Variants in TPX2 observed in about 807,000 individuals in gnomAD.
The protein encoded by TPX2 is targeting protein for Xklp2.
In TPX2, 21 loss-of-function variants were observed where a neutral mutation model predicts 93.6. That is an observed-to-expected ratio of 0.22 (90% CI 0.16 to 0.32). The LOEUF is 0.32. TPX2 is among the 10% of genes least tolerant of loss of function. The probability of loss-of-function intolerance (pLI) is 1.00; values close to 1 mark genes in which losing one functional copy is unlikely to be tolerated. For missense variants in TPX2, 776 were observed against 871.1 expected (o/e 0.89, Z 1.37); for synonymous variants, 281 against 298.3 (o/e 0.94, Z 0.60).
chr20:31,746,492 A>T (rs902319602), intron 2 of TPX2, among the ~76,000 whole-genome samples: 4 of 152,176 alleles, frequency 2.6e-5, no homozygotes, highest in African/African-American at 7.2e-5. Flanking sequence ...AACTAACTAT[A>T]CTTCTAATGA....
At chr20:31,777,344 A>T in intron 8 of TPX2, 143 bp from the exon 9 acceptor site, 4 of 866,604 alleles carry the variant, frequency 4.6e-6, no homozygotes, top group Non-Finnish European at 3.5e-6. Context: ...CCTGAGGACT[A>T]CTTCAAGTTT....
chr20:31,764,281 T>C (rs1457839821), intron 4 of TPX2, among the ~76,000 whole-genome samples: 1 of 152,000 alleles, frequency 6.6e-6, no homozygotes, highest in Non-Finnish European at 1.5e-5. Context: ...GTGATCCTCT[T>C]ACCTCAGCCT....
intron 12 of TPX2, among the ~76,000 whole-genome samples, chr20:31,790,330 T>C (rs2062092742): frequency 1.3e-5 from 2 of 152,216 alleles, no homozygotes; most frequent in Admixed American, 1.3e-4. Context: ...CCAATGATTG[T>C]GATACTGCAA....
At chr20:31,779,229 C>A (rs1371778725) in intron 10 of TPX2, among the ~76,000 whole-genome samples, 1 of 152,182 alleles carries the variant, frequency 6.6e-6, no homozygotes, top group East Asian at 1.9e-4. Context: ...TTAAGGTAAC[C>A]TGAGATGTCA....
intron 12 of TPX2, among the ~76,000 whole-genome samples, chr20:31,784,395 C>G (rs2062052704): frequency 6.6e-6 from 1 of 152,164 alleles, no homozygotes; most frequent in African/African-American, 2.4e-5. Flanking sequence ...ATTTTATCAC[C>G]TGTTTCAGAT....
intron 2 of TPX2, among the ~76,000 whole-genome samples, chr20:31,756,398 AT>A (rs1452182801): frequency 6.6e-6 from 1 of 152,094 alleles, no homozygotes; most frequent in Non-Finnish European, 1.5e-5. Flanking sequence ...GATGGATAAG[AT>A]TTTGGTTGGT....
chr20:31,793,696 A>G (rs1440355750), intron 13 of TPX2, 152 bp from the exon 14 acceptor site: 9 of 703,210 alleles, frequency 1.3e-5, no homozygotes, highest in Non-Finnish European at 2.0e-5. Context: ...TACCTAAGTC[A>G]TCATCCTTCT....
chr20:31,769,640 T>A (rs911565638), intron 5 of TPX2, among the ~76,000 whole-genome samples: 1 of 152,186 alleles, frequency 6.6e-6, no homozygotes, highest in Non-Finnish European at 1.5e-5. Flanking sequence ...ATGATCACTC[T>A]TAAAATCAAG....
At chr20:31,757,003 T>C (rs2061856226) in intron 2 of TPX2, among the ~76,000 whole-genome samples, 1 of 152,184 alleles carries the variant, frequency 6.6e-6, no homozygotes, top group Admixed American at 6.6e-5. Context: ...ATAATTTTTA[T>C]TTTTTTAGAG....
chr20:31,786,544 C>T (rs1392317780), intron 12 of TPX2, among the ~76,000 whole-genome samples: 1 of 152,064 alleles, frequency 6.6e-6, no homozygotes, highest in Non-Finnish European at 1.5e-5. Context: ...GCTGGGAATA[C>T]AGGCACACAC....
At chr20:31,747,436 CTCTGTCTGTCTG>C (rs368418576) in intron 2 of TPX2, among the ~76,000 whole-genome samples, 21 of 151,728 alleles carry the variant, frequency 1.4e-4, no homozygotes, top group African/African-American at 5.1e-4. Flanking sequence ...ATATCTCTAT[CTCTGTCTGTCTG>C]TCTGTCTGTC....
At chr20:31,794,052 G>T in intron 14 of TPX2, 28 bp downstream of exon 14, 1 of 1,582,662 alleles carries the variant, frequency 6.3e-7, no homozygotes, top group South Asian at 1.2e-5. Context: ...TGCAAGTAGT[G>T]TAATACTATT....
At chr20:31,782,889 T>TACACACACACACAC (rs71926112) in intron 11 of TPX2, among the ~76,000 whole-genome samples, 8 of 142,758 alleles carry the variant, frequency 5.6e-5, no homozygotes, top group East Asian at 2.1e-4. Flanking sequence ...CATACACACA[T>TACACACACACACAC]ACACACACAC....
chr20:31,800,844 A>C (rs1357495735), intron 17 of TPX2, 126 bp from the exon 18 acceptor site: 5 of 783,616 alleles, frequency 6.4e-6, no homozygotes, highest in Non-Finnish European at 1.1e-5. Flanking sequence ...CACTCCCCAC[A>C]CCTGAAACTA....
intron 7 of TPX2, among the ~76,000 whole-genome samples, chr20:31,773,267 TCA>T (rs2061975637): frequency 2.6e-5 from 4 of 151,224 alleles, no homozygotes. Flanking sequence ...TTCTTCTGCC[TCA>T]GTCTCCCATG....
chr20:31,753,963 T>A (rs993136742), intron 2 of TPX2, among the ~76,000 whole-genome samples: 14 of 151,848 alleles, frequency 9.2e-5, no homozygotes, highest in African/African-American at 3.1e-4. Flanking sequence ...GAGGTGGAGG[T>A]TGCAGTGAAC....
rs777021944 is a variant in TPX2, at chr20:31,757,590, C to T, written c.106+8C>T. 2 of 1,607,956 alleles carry T rather than the reference C, an allele frequency of 1.2e-6. No homozygotes were observed. The highest frequency in any genetic ancestry group is 1.7e-5 in the Admixed American group (1 of 59,866). ...ACATAGATTCATGGTTTGGTAAGTGCCTGCTTTCTCTGGCTATTTTAAGGA... is the reference window on the plus strand; with the variant it reads ...ACATAGATTCATGGTTTGGTAAGTGTCTGCTTTCTCTGGCTATTTTAAGGA... On this transcript the variant is annotated splice_region_variant and intron_variant, in intron 3 of 17. Transcript: ENST00000300403.
intron 4 of TPX2, among the ~76,000 whole-genome samples, chr20:31,765,760 ACCCCTGAG>A (rs1240709086): frequency 6.6e-6 from 1 of 152,144 alleles, no homozygotes; most frequent in East Asian, 1.9e-4. Context: ...TATTGTCACA[ACCCCTGAG>A]CCACATAAAG....
Position 31,794,164 on chromosome 20 carries a change from A to G in TPX2, c.1686+140A>G. ...AACCCTATAAAATATAAATGGGACA[A>G]GTAATTTAAATAATCCTTCTGGCAC... On this transcript the variant is annotated intron_variant, in intron 14 of 17. Transcript: ENST00000300403. 11 of 1,100,372 alleles carry G rather than the reference A, an allele frequency of 1.0e-5. No individual in the cohort carries two copies. In the South Asian group the frequency reaches 1.9e-4, roughly 19 times the overall value. The allele number at this position is 1,100,372 out of a possible 1,614,324, so 68.2% of individuals were successfully genotyped here.
Sources: gnomAD v4.1 joint callset for allele counts (sites outside exome capture counted in the v4.1 genomes callset) on GRCh38, gnomAD v4.1.1 for gene constraint, MANE v1.5 for transcripts, NCBI Gene and HGNC (gene_info 2026-07-23, HGNC 2026-07-21) for gene names.